Variants in TMC1 observed in about 807,000 individuals in gnomAD.
The protein encoded by TMC1 is transmembrane channel like 1.
Under a neutral mutation model 105.8 loss-of-function variants are expected in TMC1, and 84 were observed. That is an observed-to-expected ratio of 0.79 (90% CI 0.67 to 0.95). The LOEUF (loss-of-function observed/expected upper bound fraction) is 0.95, where lower values mean the gene tolerates loss of function less well. Among genes scored for constraint, TMC1 ranks in the 40% least tolerant of loss-of-function variants. TMC1 has a pLI of 0.00. For missense variants in TMC1, 817 were observed against 914.1 expected, an observed-to-expected ratio of 0.89 and a Z score of 1.37; for synonymous variants, 315 against 311.5, an observed-to-expected ratio of 1.01 and a Z score of -0.12.
chr9:72,732,324 A>G (rs1353628138), intron 8 of TMC1, among the ~76,000 whole-genome samples: 10 of 152,232 alleles, frequency 6.6e-5, no homozygotes, highest in Admixed American at 6.5e-4. Context: ...GCACTTTGAG[A>G]GGCCAAGGTG....
chr9:72,730,082 A>G (rs1796985), intron 8 of TMC1, among the ~76,000 whole-genome samples: 88,964 of 152,018 alleles, frequency 0.59, 28,089 homozygotes, highest in African/African-American at 0.84. Flanking sequence ...TTTTGATTAC[A>G]AAGACTACAA....
chr9:72,539,236 A>C (rs888577782), intron 1 of TMC1, among the ~76,000 whole-genome samples: 18 of 151,270 alleles, frequency 1.2e-4, no homozygotes, highest in South Asian at 1.0e-3. Flanking sequence ...TACAAAAAAA[A>C]AACAACAACA....
intron 8 of TMC1, among the ~76,000 whole-genome samples, chr9:72,733,048 C>T (rs1046496615): frequency 1.3e-5 from 2 of 152,146 alleles, no homozygotes; most frequent in African/African-American, 4.8e-5. Flanking sequence ...AAACCCCTGT[C>T]CCAATTATGA....
intron 2 of TMC1, among the ~76,000 whole-genome samples, chr9:72,615,385 CA>C (rs1291526467): frequency 6.6e-6 from 1 of 152,138 alleles, no homozygotes; most frequent in Middle Eastern, 3.2e-3. Context: ...AGCCTATTTT[CA>C]ACCACTCTCT....
intron 11 of TMC1, among the ~76,000 whole-genome samples, chr9:72,753,487 C>T (rs75486909): frequency 0.023 from 3,468 of 152,100 alleles, 53 homozygotes; most frequent in Middle Eastern, 0.044. Flanking sequence ...TTGAATAATA[C>T]GAAATTACAG....
intron 1 of TMC1, among the ~76,000 whole-genome samples, chr9:72,566,821 C>T (rs1377565986): frequency 6.6e-6 from 1 of 152,184 alleles, no homozygotes; most frequent in African/African-American, 2.4e-5. Context: ...GGCCTTCTCC[C>T]CGCTTTCCTG....
chr9:72,544,985 G>A (rs550897375), intron 1 of TMC1, among the ~76,000 whole-genome samples: 1 of 151,964 alleles, frequency 6.6e-6, no homozygotes, highest in African/African-American at 2.4e-5. Flanking sequence ...TCATTCTTAT[G>A]CCTTTGCATT....
At chr9:72,729,479 GA>G (rs976495419) in intron 8 of TMC1, among the ~76,000 whole-genome samples, 6 of 152,126 alleles carry the variant, frequency 3.9e-5, no homozygotes, top group Admixed American at 2.6e-4. Context: ...GTATGGACAT[GA>G]AAAGTAGTTA....
chr9:72,830,457 C>T lies in TMC1; in HGVS notation c.2136C>T (p.Ala712=). The T allele has an allele frequency of 6.2e-7, 1 of 1,611,096 alleles. No individual in the cohort carries two copies. The highest frequency in any genetic ancestry group is 1.1e-5 in the South Asian group (1 of 90,960). ...TTTTTTCTTTTTAATTTAGTTTGGC[C>T]ATCTATTATCTCAATGCTACTGCCA... ...VIAVILVMVL[A]IYYLNATAKG... Residue 712 remains alanine (A), a synonymous_variant, in exon 22 of 24, where the codon GCC becomes GCT. Coordinates refer to ENST00000297784, the MANE Select transcript of TMC1 (RefSeq NM_138691.3).
chr9:72,536,593 A>G (rs1218800966), intron 1 of TMC1, among the ~76,000 whole-genome samples: 1 of 152,134 alleles, frequency 6.6e-6, no homozygotes, highest in Non-Finnish European at 1.5e-5. Flanking sequence ...CAGCCTCCCA[A>G]AGTGCTGGGA....
intron 1 of TMC1, among the ~76,000 whole-genome samples, chr9:72,570,211 G>A (rs1197618914): frequency 2.0e-5 from 3 of 149,598 alleles, no homozygotes; most frequent in East Asian, 1.9e-4. Flanking sequence ...TCTTTGAAAG[G>A]GGGTGGGGCT....
rs57564294 is a variant in TMC1, at chr9:72,814,896, TTGTGTGTGTGTG to T, written c.1696-1207_1696-1196del. 6.0e-3 allele frequency among the ~76,000 whole-genome samples: 721 copies of T among 119,230 alleles called. 4 individuals are homozygous for T. The highest frequency in any genetic ancestry group is 0.013 in the African/African-American group (421 of 31,468). 78.2% of individuals were successfully genotyped at this position (119,230 alleles called of 152,430 possible). On this transcript the variant is annotated intron_variant, in intron 18 of 23. Coordinates refer to ENST00000297784, the MANE Select transcript of TMC1 (RefSeq NM_138691.3). ...GAACAGAGGCTCTCTTGGATCATCT[TTGTGTGTGTGTG>T]TGTGTGTGTGTGTGTGTGTGTGTGT... is the stretch of plus-strand genomic sequence containing the variant.
At chr9:72,764,983 C>T (rs965326033) in intron 12 of TMC1, among the ~76,000 whole-genome samples, 2 of 152,174 alleles carry the variant, frequency 1.3e-5, no homozygotes, top group Non-Finnish European at 2.9e-5. Context: ...AGATACTGGA[C>T]TCTTGAGAGA....
intron 5 of TMC1, among the ~76,000 whole-genome samples, chr9:72,670,617 T>C (rs946032659): frequency 6.6e-6 from 1 of 152,138 alleles, no homozygotes; most frequent in South Asian, 2.1e-4. Flanking sequence ...ATGTAATTAG[T>C]AAACAAAGAG....
intron 8 of TMC1, among the ~76,000 whole-genome samples, chr9:72,733,912 C>T (rs1330451766): frequency 6.6e-6 from 1 of 152,086 alleles, no homozygotes; most frequent in Non-Finnish European, 1.5e-5. Context: ...CACTTTGTGG[C>T]TTCTCTTTGG....
At chr9:72,560,950 TC>T (rs1460400195) in intron 1 of TMC1, among the ~76,000 whole-genome samples, 1 of 152,122 alleles carries the variant, frequency 6.6e-6, no homozygotes, top group Non-Finnish European at 1.5e-5. Context: ...GATTTTATTT[TC>T]CCAGCATGTG....
chr9:72,645,916 T>A (rs752755310), intron 4 of TMC1, among the ~76,000 whole-genome samples: 9 of 152,222 alleles, frequency 5.9e-5, no homozygotes, highest in Non-Finnish European at 1.2e-4. Context: ...TTGGCCGGTA[T>A]CATTGCTTAC....
At chr9:72,603,514 C>A (rs1824855347) in intron 2 of TMC1, among the ~76,000 whole-genome samples, 1 of 152,050 alleles carries the variant, frequency 6.6e-6, no homozygotes, top group South Asian at 2.1e-4. Flanking sequence ...CCTTAGAGAA[C>A]CTTACCGTGT....
intron 1 of TMC1, among the ~76,000 whole-genome samples, chr9:72,533,121 G>A (rs1048746080): frequency 6.6e-6 from 1 of 152,190 alleles, no homozygotes; most frequent in African/African-American, 2.4e-5. Flanking sequence ...GGCCTTGGAG[G>A]GGAAATACTT....
Sources: gnomAD v4.1 joint callset for allele counts (sites outside exome capture counted in the v4.1 genomes callset) on GRCh38, gnomAD v4.1.1 for gene constraint, MANE v1.5 for transcripts, NCBI Gene and HGNC (gene_info 2026-07-23, HGNC 2026-07-21) for gene names.